The following SVOPL variants were observed in gnomAD, a reference collection of about 807,000 sequenced individuals.
SVOPL encodes putative transporter SVOPL.
In SVOPL, 60 loss-of-function variants were observed where a neutral mutation model predicts 61.0. The observed-to-expected ratio is 0.98, with a 90% CI of 0.80 to 1.22. The LOEUF (loss-of-function observed/expected upper bound fraction) is 1.22, where lower values mean the gene tolerates loss of function less well. Among genes scored for constraint, SVOPL ranks in the 50% most tolerant of loss-of-function variants. SVOPL has a pLI of 0.00. For synonymous variants in SVOPL, 279 were observed against 250.0 expected (o/e 1.12, Z -1.09); for missense variants, 662 against 643.9 (o/e 1.03, Z -0.30).
chr7:138,689,418 G>A (rs1468889149), intron 1 of SVOPL: 8 of 1,277,828 alleles, frequency 6.3e-6, no homozygotes, highest in East Asian at 4.6e-5. Flanking sequence ...CTGCCACATC[G>A]AGATGATCCT....
At chr7:138,661,670 T>C (rs772543659) in intron 5 of SVOPL, 375 of 931,062 alleles carry the variant, frequency 4.0e-4, no homozygotes, top group Non-Finnish European at 4.6e-4. Context: ...GCTGATAGCA[T>C]ACCTTATTTT....
At chr7:138,602,135 A>G (rs1483380876) in intron 14 of SVOPL, among the ~76,000 whole-genome samples, 1 of 152,048 alleles carries the variant, frequency 6.6e-6, no homozygotes, top group Non-Finnish European at 1.5e-5. Flanking sequence ...TTGAGCCCAA[A>G]GTTTGAGGCT....
intron 13 of SVOPL, among the ~76,000 whole-genome samples, chr7:138,624,517 G>A (rs1799809034): frequency 6.6e-6 from 1 of 152,066 alleles, no homozygotes. Flanking sequence ...CAGACCTGTG[G>A]AATATGTCAA....
At chr7:138,699,840 T>G (rs888590459) in intron 1 of SVOPL, among the ~76,000 whole-genome samples, 2 of 152,148 alleles carry the variant, frequency 1.3e-5, no homozygotes, top group Non-Finnish European at 2.9e-5. Context: ...GTAACACTGG[T>G]CTTCCCAATG....
rs1800329767 is a variant in SVOPL at position 138,633,723 on chromosome 7, T to TAC, written c.790-3603_790-3602dup. 2.0e-5 allele frequency among the ~76,000 whole-genome samples: 3 copies of TAC among 152,202 alleles called. No individual in the cohort carries two copies. The South Asian group carries it at 6.2e-4, about 32-fold the overall frequency. ...TCCACAGAAGAAAGTGAGAATACCT[T>TAC]ACCAAAATACAATGATGAATATGGG... On this transcript the variant is annotated intron_variant, in intron 9 of 15. Coordinates refer to ENST00000674285, the MANE Select transcript of SVOPL (RefSeq NM_001139456.2).
intron 7 of SVOPL, 91 bp downstream of exon 7, chr7:138,656,357 T>C: frequency 7.5e-7 from 1 of 1,331,070 alleles, no homozygotes. Context: ...AGCGAGCTGG[T>C]ACCAAACCAG....
chr7:138,609,301 C>A (rs866785503), intron 14 of SVOPL, among the ~76,000 whole-genome samples: 62 of 152,132 alleles, frequency 4.1e-4, no homozygotes, highest in Middle Eastern at 3.4e-3. Flanking sequence ...CTTCACCTAC[C>A]AATCCAATTT....
At chr7:138,655,334 T>G (rs912069987) in intron 7 of SVOPL, among the ~76,000 whole-genome samples, 1 of 152,076 alleles carries the variant, frequency 6.6e-6, no homozygotes, top group African/African-American at 2.4e-5. Flanking sequence ...TGAAACCCCA[T>G]CTCTACCAAA....
At chr7:138,597,902 G>C (rs181150639) in intron 14 of SVOPL, among the ~76,000 whole-genome samples, 7 of 152,084 alleles carry the variant, frequency 4.6e-5, no homozygotes, top group Non-Finnish European at 1.0e-4. Context: ...TGTGAGACCC[G>C]GATGGGTTGA....
chr7:138,666,101 T>A (rs1326316112), intron 4 of SVOPL, among the ~76,000 whole-genome samples: 1 of 152,258 alleles, frequency 6.6e-6, no homozygotes, highest in Non-Finnish European at 1.5e-5. Flanking sequence ...TTGTTACTGA[T>A]CCTTGTAGCC....
intron 1 of SVOPL, among the ~76,000 whole-genome samples, chr7:138,681,946 T>A (rs1028578361): frequency 6.6e-6 from 1 of 152,196 alleles, no homozygotes; most frequent in African/African-American, 2.4e-5. Context: ...AATCCCTTTG[T>A]TCACAGTAAT....
intron 10 of SVOPL, among the ~76,000 whole-genome samples, chr7:138,629,125 A>ATGTGTGTGTG (rs1159184418): frequency 5.5e-3 from 354 of 64,234 alleles, no homozygotes; most frequent in African/African-American, 0.028. Context: ...CATGTTTTAT[A>ATGTGTGTGTG]TATGTGTGTG....
At chr7:138,676,456 G>A (rs77821714) in intron 3 of SVOPL, among the ~76,000 whole-genome samples, 4,489 of 152,140 alleles carry the variant, frequency 0.03, 104 homozygotes, top group Non-Finnish European at 0.047. Flanking sequence ...GAACCACTGC[G>A]CTCACAGGGT....
At chr7:138,662,210 T>C in intron 5 of SVOPL, 1 of 985,486 alleles carries the variant, frequency 1.0e-6, no homozygotes, top group Non-Finnish European at 1.2e-6. Flanking sequence ...TAGCAGCAGG[T>C]TTGGCTTAAT....
chr7:138,619,705 C>G (rs1030523989), intron 14 of SVOPL, among the ~76,000 whole-genome samples: 1 of 152,002 alleles, frequency 6.6e-6, no homozygotes, highest in Non-Finnish European at 1.5e-5. Flanking sequence ...CCCATCCCAA[C>G]TCCCGCTCTC....
intron 5 of SVOPL, chr7:138,662,016 T>C (rs1802023808): frequency 1.0e-6 from 1 of 985,388 alleles, no homozygotes; most frequent in African/African-American, 1.7e-5. Flanking sequence ...GAGGTTTCAC[T>C]GGGGGCAAAA....
At chr7:138,657,234 C>A (rs997221007) in intron 6 of SVOPL, among the ~76,000 whole-genome samples, 1 of 151,958 alleles carries the variant, frequency 6.6e-6, no homozygotes, top group Non-Finnish European at 1.5e-5. Context: ...CAGCTCGCTG[C>A]AGCCTCAAAC....
At chr7:138,678,861 T>C (rs1186805017) in intron 2 of SVOPL, 103 bp downstream of exon 2, 1 of 1,204,952 alleles carries the variant, frequency 8.3e-7, no homozygotes. Context: ...TGAGCCACCA[T>C]GCCTGGCTGC....
At chr7:138,635,234 T>C (rs1209714942) in intron 9 of SVOPL, among the ~76,000 whole-genome samples, 1 of 150,210 alleles carries the variant, frequency 6.7e-6, no homozygotes, top group East Asian at 2.0e-4. Flanking sequence ...ATTGCACCAT[T>C]GCACTCCAGC....
Sources: gnomAD v4.1 joint callset for allele counts (sites outside exome capture counted in the v4.1 genomes callset) on GRCh38, gnomAD v4.1.1 for gene constraint, MANE v1.5 for transcripts, NCBI Gene and HGNC (gene_info 2026-07-23, HGNC 2026-07-21) for gene names.